The following KCNJ15 variants were observed in gnomAD, a reference collection of about 807,000 sequenced individuals.
The protein encoded by KCNJ15 is ATP-sensitive inward rectifier potassium channel 15.
KCNJ15 carries 14 observed loss-of-function variants against 23.0 expected under a neutral mutation model. The observed-to-expected ratio is 0.61, with a 90% CI of 0.40 to 0.95. The LOEUF (loss-of-function observed/expected upper bound fraction) is 0.95. KCNJ15 is among the 40% of genes least tolerant of loss of function. The pLI is 0.00. For synonymous variants in KCNJ15, 185 were observed against 183.2 expected, an observed-to-expected ratio of 1.01 and a Z score of -0.08; for missense variants, 388 against 461.8, an observed-to-expected ratio of 0.84 and a Z score of 1.46.
At chr21:38,238,646 C>T (rs756829550) in intron 1 of KCNJ15, 11 of 571,310 alleles carry the variant, frequency 1.9e-5, no homozygotes, top group African/African-American at 5.7e-5. Flanking sequence ...TGGGCTGACA[C>T]GGAATTGGCG....
At chr21:38,293,304 T>G (rs1984811265) in intron 1 of KCNJ15, among the ~76,000 whole-genome samples, 2 of 152,152 alleles carry the variant, frequency 1.3e-5, no homozygotes, top group South Asian at 4.2e-4. Flanking sequence ...TCCCGACACC[T>G]CTCTTCAGGC....
rs1360754615 is a variant in KCNJ15, at chr21:38,300,780, T to C, written c.*391T>C. ...GATATTTATTTAACCAATGACCTTA[T>C]GGCTGAGAGTTGAATTGTGGTTCAG... On this transcript the variant is annotated 3_prime_UTR_variant, in exon 3 of 3. Coordinates refer to ENST00000398938, the MANE Select transcript of KCNJ15 (RefSeq NM_170736.3). 5.5e-6 allele frequency: 1 copy of C among 181,182 alleles called. No homozygotes were observed. The highest frequency in any genetic ancestry group is 2.4e-5 in the African/African-American group (1 of 41,740). The allele number at this position is 181,182 out of a possible 1,614,324, so 11.2% of individuals were successfully genotyped here.
upstream of KCNJ15, among the ~76,000 whole-genome samples, chr21:38,253,323 A>C (rs1979966225): frequency 6.6e-6 from 1 of 152,192 alleles, no homozygotes; most frequent in African/African-American, 2.4e-5. Flanking sequence ...TCTTGCTAGA[A>C]AGACCCAAAG....
chr21:38,270,003 C>G (rs1981913742), intron 1 of KCNJ15, among the ~76,000 whole-genome samples: 1 of 152,194 alleles, frequency 6.6e-6, no homozygotes, highest in African/African-American at 2.4e-5. Flanking sequence ...TTCAATTGCT[C>G]CTGTATGCTT....
chr21:38,253,194 T>G (rs1979954511), upstream of KCNJ15, among the ~76,000 whole-genome samples: 1 of 152,248 alleles, frequency 6.6e-6, no homozygotes, highest in Admixed American at 6.5e-5. Context: ...CACACCACTT[T>G]GGGTTCCTCC....
At chr21:38,264,909 A>T (rs919517412) in intron 1 of KCNJ15, among the ~76,000 whole-genome samples, 1 of 152,226 alleles carries the variant, frequency 6.6e-6, no homozygotes, top group Non-Finnish European at 1.5e-5. Context: ...AAATGAAGAC[A>T]CTTGAAATAA....
In KCNJ15 at chr21:38,277,828, T is replaced by G. The variant is rs78742532; in HGVS notation, c.-116-19098T>G. 9.7e-3 allele frequency among the ~76,000 whole-genome samples: 1,033 copies of G among 106,888 alleles called. 8 individuals are homozygous for G. The highest frequency in any genetic ancestry group is 0.028 in the African/African-American group (925 of 33,102). The allele number at this position is 106,888 out of a possible 152,430, so 70.1% of individuals were successfully genotyped here. A position where few individuals can be genotyped will look rare whatever the true frequency, so the allele number is the denominator to read the frequency against. ...ACTCACATGTTTTGGGTTGTGTTTT[T>G]GACCTTCATTCATTCTTTATAGATT... On this transcript the variant is annotated intron_variant, in intron 1 of 2. Transcript: ENST00000398938.
At chr21:38,250,967 C>A (rs1979786912) in intron 1 of KCNJ15, among the ~76,000 whole-genome samples, 1 of 152,162 alleles carries the variant, frequency 6.6e-6, no homozygotes, top group Non-Finnish European at 1.5e-5. Context: ...GTCCACGGCA[C>A]ACATACCTCA....
At position 38,262,238 on chromosome 21, in the gene KCNJ15, G is replaced by A. The variant is rs182829791; in HGVS notation, c.-117+5053G>A. 7.9e-4 allele frequency among the ~76,000 whole-genome samples: 121 copies of A among 152,234 alleles called. 1 individual carries two copies. The highest frequency in any genetic ancestry group is 2.8e-3 in the African/African-American group (115 of 41,522). On this transcript the variant is annotated intron_variant, in intron 1 of 2. Transcript: ENST00000398938. ...CATCATTTGTACTCTTCCTACCAAC[G>A]CCATTCTCACATATCTGCTAGGAGG...
intron 1 of KCNJ15, among the ~76,000 whole-genome samples, chr21:38,272,018 A>G (rs945063316): frequency 6.6e-6 from 1 of 152,202 alleles, no homozygotes; most frequent in Non-Finnish European, 1.5e-5. Flanking sequence ...AAGAATTACT[A>G]AAGTATGAGG....
chr21:38,265,242 A>T (rs148932101), intron 1 of KCNJ15, among the ~76,000 whole-genome samples: 1 of 152,236 alleles, frequency 6.6e-6, no homozygotes, highest in African/African-American at 2.4e-5. Flanking sequence ...ATGAAATATT[A>T]TAGGACTAAA....
rs1985882667 is a variant in KCNJ15 at position 38,302,644 on chromosome 21, A to G, written c.*2255A>G. 6.6e-6 allele frequency: 1 copy of G among 152,220 alleles called. No individual in the cohort carries two copies. Among genetic ancestry groups the G allele is most frequent in the Admixed American group, 6.5e-5 (1 of 15,288 alleles). 9.4% of individuals were successfully genotyped at this position (152,220 alleles called of 1,614,324 possible). ...GGTATAATCAACAAAAAATAATGCC[A>G]CGGGCATGTTTACACCTTTTCTGTT... On this transcript the variant is annotated 3_prime_UTR_variant, in exon 3 of 3. Coordinates refer to ENST00000398938, the MANE Select transcript of KCNJ15 (RefSeq NM_170736.3).
rs780440662 is a variant in KCNJ15, at chr21:38,299,688, A to G, written c.427A>G (p.Ile143Val). 6.8e-6 allele frequency: 11 copies of G among 1,614,086 alleles called. No homozygotes were observed. Among genetic ancestry groups the G allele is most frequent in the South Asian group, 2.2e-5 (2 of 91,076 alleles). Residue 143 changes from isoleucine (I) to valine (V), a missense_variant, in exon 3 of 3, where the codon ATC becomes GTC. Transcript: ENST00000398938. The surrounding 1 kb of genome is among the most constrained non-coding windows in gnomAD (Gnocchi z 4.5). The stretch of plus-strand genomic sequence containing the variant: ...CATCACAGAGGAATGTCCTCATGCC[A>G]TCTTCCTGTTGGTTGCTCAGTTGGT... ...RSITEECPHA[I>V]FLLVAQLVIT...
At chr21:38,238,655 C>T (rs1206177781) in intron 1 of KCNJ15, 5 of 561,076 alleles carry the variant, frequency 8.9e-6, no homozygotes, top group Admixed American at 2.3e-5. Context: ...ACGGAATTGG[C>T]GCTGGGCTCT....
rs1985609619 is a variant in KCNJ15, at chr21:38,300,052, T to C, written c.791T>C (p.Leu264Pro). The change falls in exon 3 of 3, where the codon CTG becomes CCG. Residue 264 changes from leucine to proline, a missense_variant. Leu to Pro is a moderately conservative substitution (Grantham distance 98, BLOSUM62 -3). Coordinates refer to ENST00000398938, the MANE Select transcript of KCNJ15 (RefSeq NM_170736.3). ...FYHVLDETSP[L>P]RDLTPQNLKE... is the part of the protein sequence containing the mutation. ...CATGTGCTGGATGAGACGAGCCCCC[T>C]GAGAGACCTCACACCCCAAAACCTA... is the stretch of plus-strand genomic sequence containing the variant. The C allele has an allele frequency of 6.2e-7, 1 of 1,613,956 alleles. No homozygotes were observed. The highest frequency in any genetic ancestry group is 1.3e-5 in the African/African-American group (1 of 74,892).
At chr21:38,247,522 GTGGATGGATGGATGGATGGATGGA>G (rs10579917) in intron 1 of KCNJ15, among the ~76,000 whole-genome samples, 3 of 137,314 alleles carry the variant, frequency 2.2e-5, no homozygotes, top group East Asian at 2.3e-4. Flanking sequence ...AGATGCATAG[GTGGATGGATGGATGGATGGATGGA>G]TGGATGGATG....
intron 1 of KCNJ15, among the ~76,000 whole-genome samples, chr21:38,235,781 C>T (rs546397234): frequency 4.6e-5 from 7 of 152,256 alleles, no homozygotes; most frequent in Admixed American, 4.6e-4. Context: ...AGCAAAATTA[C>T]TAAGATACTG....
intron 1 of KCNJ15, among the ~76,000 whole-genome samples, chr21:38,286,743 G>A (rs1414060068): frequency 6.6e-6 from 1 of 152,218 alleles, no homozygotes; most frequent in Non-Finnish European, 1.5e-5. Flanking sequence ...GGGCTATGAA[G>A]CCTGGAGAAT....
intron 1 of KCNJ15, among the ~76,000 whole-genome samples, chr21:38,241,667 T>G (rs1048994897): frequency 6.6e-6 from 1 of 152,202 alleles, no homozygotes; most frequent in African/African-American, 2.4e-5. Flanking sequence ...CTAAATTGTT[T>G]AAGAATGACT....
Sources: gnomAD v4.1 joint callset for allele counts (sites outside exome capture counted in the v4.1 genomes callset) on GRCh38, gnomAD v4.1.1 for gene constraint, Gnocchi (gnomAD v3.1) non-coding constraint, MANE v1.5 for transcripts, NCBI Gene and HGNC (gene_info 2026-07-23, HGNC 2026-07-21) for gene names.